Variants in PTPRD observed in about 807,000 individuals in gnomAD.
PTPRD encodes the protein protein tyrosine phosphatase receptor type D.
PTPRD carries 34 observed loss-of-function variants against 214.5 expected under a neutral mutation model. The observed-to-expected ratio is 0.16, with a 90% CI of 0.12 to 0.21. PTPRD has a LOEUF of 0.21. Ranked by LOEUF, PTPRD falls within the 10% of genes least tolerant of loss-of-function variation. The probability of loss-of-function intolerance (pLI) is 1.00; values close to 1 mark genes in which losing one functional copy is unlikely to be tolerated. For synonymous variants in PTPRD, 1,128 were observed against 845.7 expected (o/e 1.33, Z -5.79); for missense variants, 2,545 against 2,398.7 (o/e 1.06, Z -1.27).
At chr9:9,448,702 A>C (rs150037404) in intron 8 of PTPRD, among the ~76,000 whole-genome samples, 116 of 152,236 alleles carry the variant, frequency 7.6e-4, no homozygotes, top group African/African-American at 2.6e-3. Context: ...TTACATGGGC[A>C]TGATATTTAA....
At chr9:10,526,132 T>C (rs959548401) in intron 2 of PTPRD, among the ~76,000 whole-genome samples, 1 of 152,042 alleles carries the variant, frequency 6.6e-6, no homozygotes, top group Non-Finnish European at 1.5e-5. Context: ...TGTTCTAAGA[T>C]ATAAAGTCTC....
intron 7 of PTPRD, among the ~76,000 whole-genome samples, chr9:9,723,470 C>T (rs1349131316): frequency 6.6e-6 from 1 of 151,814 alleles, no homozygotes; most frequent in East Asian, 1.9e-4. Flanking sequence ...ACTATGAGTC[C>T]TCCTACTTTG....
At chr9:9,673,202 A>G (rs979781649) in intron 7 of PTPRD, among the ~76,000 whole-genome samples, 2 of 151,872 alleles carry the variant, frequency 1.3e-5, no homozygotes, top group Non-Finnish European at 2.9e-5. Context: ...TAAAACTCCT[A>G]ATAGCCCAAT....
intron 8 of PTPRD, among the ~76,000 whole-genome samples, chr9:9,456,346 A>G (rs1192662306): frequency 6.6e-6 from 1 of 151,864 alleles, no homozygotes; most frequent in African/African-American, 2.4e-5. Context: ...GAATAAAAAA[A>G]TATAGATCAG....
intron 6 of PTPRD, among the ~76,000 whole-genome samples, chr9:9,739,999 T>C (rs2098375056): frequency 6.6e-6 from 1 of 152,168 alleles, no homozygotes; most frequent in Non-Finnish European, 1.5e-5. Context: ...CTACCTCATA[T>C]TAATTTGTAC....
chr9:8,386,030 A>T (rs1245513041), intron 37 of PTPRD, among the ~76,000 whole-genome samples: 1 of 152,222 alleles, frequency 6.6e-6, no homozygotes, highest in African/African-American at 2.4e-5. Flanking sequence ...TGAAGTTGTC[A>T]CTGTAAAGCC....
intron 20 of PTPRD, among the ~76,000 whole-genome samples, chr9:8,520,952 T>G (rs561454333): frequency 6.6e-6 from 1 of 152,228 alleles, no homozygotes; most frequent in African/African-American, 2.4e-5. Context: ...TGGTCTAGTA[T>G]GTAGACTGTA....
At chr9:8,946,223 T>C (rs977043847) in intron 11 of PTPRD, among the ~76,000 whole-genome samples, 2 of 152,214 alleles carry the variant, frequency 1.3e-5, no homozygotes, top group Admixed American at 1.3e-4. Flanking sequence ...ACTTGTTTTT[T>C]TGTTCCTTCA....
intron 14 of PTPRD, among the ~76,000 whole-genome samples, chr9:8,542,688 C>A (rs1410528040): frequency 6.6e-6 from 1 of 152,252 alleles, no homozygotes; most frequent in Non-Finnish European, 1.5e-5. Flanking sequence ...CAGTTGAACA[C>A]TGATCCAGCT....
At chr9:9,209,640 C>G (rs1032865593) in intron 9 of PTPRD, among the ~76,000 whole-genome samples, 1 of 152,112 alleles carries the variant, frequency 6.6e-6, no homozygotes, top group African/African-American at 2.4e-5. Context: ...TGAAATGAGA[C>G]AGGACTATAA....
chr9:9,002,913 C>T (rs974908816), intron 11 of PTPRD, among the ~76,000 whole-genome samples: 1 of 152,008 alleles, frequency 6.6e-6, no homozygotes, highest in African/African-American at 2.4e-5. Context: ...TATGTTGGAC[C>T]AAGCTCTTAC....
At chr9:8,596,150 A>C (rs2094463595) in intron 14 of PTPRD, among the ~76,000 whole-genome samples, 1 of 152,138 alleles carries the variant, frequency 6.6e-6, no homozygotes, top group African/African-American at 2.4e-5. Flanking sequence ...AGGTTCACCA[A>C]TCATTGTAAG....
intron 3 of PTPRD, among the ~76,000 whole-genome samples, chr9:10,079,593 T>G (rs1259489456): frequency 2.0e-5 from 3 of 152,156 alleles, no homozygotes. Context: ...CAGGCCCTGC[T>G]GCTAATTCTA....
At chr9:8,440,426 C>G (rs1212993929) in intron 34 of PTPRD, among the ~76,000 whole-genome samples, 1 of 151,978 alleles carries the variant, frequency 6.6e-6, no homozygotes, top group Non-Finnish European at 1.5e-5. Flanking sequence ...AGTGGTTCCC[C>G]TGCCTCAGCC....
chr9:8,733,737 T>C, intron 12 of PTPRD, 43 bp downstream of exon 12: 1 of 1,547,510 alleles, frequency 6.5e-7, no homozygotes. Flanking sequence ...ACAAAACCAC[T>C]CATTATGGTC....
intron 2 of PTPRD, among the ~76,000 whole-genome samples, chr9:10,452,485 G>C (rs991767413): frequency 2.0e-5 from 3 of 151,418 alleles, no homozygotes; most frequent in African/African-American, 7.3e-5. Context: ...ACCAAAACTT[G>C]TTATCTTCTT....
At chr9:9,954,916 A>G (rs771239597) in intron 4 of PTPRD, among the ~76,000 whole-genome samples, 3 of 152,190 alleles carry the variant, frequency 2.0e-5, no homozygotes, top group Non-Finnish European at 4.4e-5. Flanking sequence ...ACGAACAAAC[A>G]AAACTCAGTT....
At chr9:9,698,064 A>G (rs563650923) in intron 7 of PTPRD, among the ~76,000 whole-genome samples, 11 of 152,180 alleles carry the variant, frequency 7.2e-5, no homozygotes, top group Admixed American at 5.9e-4. Context: ...TATTTTGGAA[A>G]TTAATGAGTT....
In PTPRD at chr9:8,441,003, C is replaced by A. The variant is rs184905157; in HGVS notation, c.3989-4314G>T. ...TCTTTCTACTGTACTATTCCGAGAA[C>A]GGCATTTGCGATCTTCTAAATGAAG... On this transcript the variant is annotated intron_variant, in intron 34 of 45. Coordinates refer to ENST00000381196, the MANE Select transcript of PTPRD (RefSeq NM_002839.4). 2.8e-4 allele frequency among the ~76,000 whole-genome samples: 42 copies of A among 152,192 alleles called. 1 individual carries two copies. Among genetic ancestry groups the A allele is most frequent in the Admixed American group, 7.8e-4 (12 of 15,292 alleles).
Sources: allele counts gnomAD v4.1 joint callset (sites outside exome capture counted in the v4.1 genomes callset), GRCh38; gene constraint gnomAD v4.1.1; transcripts MANE v1.5; gene names NCBI Gene and HGNC (gene_info 2026-07-23, HGNC 2026-07-21).